MEMO1: variants seen among roughly 807,000 people sequenced by gnomAD.
MEMO1 encodes protein MEMO1.
Under a neutral mutation model 45.2 loss-of-function variants are expected in MEMO1, and 6 were observed. The observed-to-expected ratio is 0.13, with a 90% confidence interval of 0.07 to 0.26. The LOEUF is 0.26. Among genes scored for constraint, MEMO1 ranks in the 10% least tolerant of loss-of-function variants. The pLI is 1.00. For synonymous variants in MEMO1, 78 were observed against 124.3 expected, an observed-to-expected ratio of 0.63 and a Z score of 2.48; for missense variants, 184 against 370.5, an observed-to-expected ratio of 0.50 and a Z score of 4.13.
At chr2:31,889,568 A>C (rs1383325821) in intron 7 of MEMO1, among the ~76,000 whole-genome samples, 1 of 152,112 alleles carries the variant, frequency 6.6e-6, no homozygotes, top group East Asian at 1.9e-4. Context: ...AATTCTTTAG[A>C]TAGCTTAACC....
chr2:31,964,569 C>T (rs571268454), intron 2 of MEMO1, among the ~76,000 whole-genome samples: 7 of 152,032 alleles, frequency 4.6e-5, no homozygotes, highest in Admixed American at 6.6e-5. Context: ...GGTGTGGTGG[C>T]GCATGGCTGT....
At chr2:32,005,294 T>C (rs1179359365) in intron 2 of MEMO1, among the ~76,000 whole-genome samples, 1 of 122,400 alleles carries the variant, frequency 8.2e-6, no homozygotes, top group Non-Finnish European at 1.6e-5. Context: ...CACTCTAGCC[T>C]GGGTGACAGA....
At chr2:31,996,624 ATAGAAAT>A (rs1356402102) in intron 2 of MEMO1, among the ~76,000 whole-genome samples, 3 of 152,252 alleles carry the variant, frequency 2.0e-5, no homozygotes, top group African/African-American at 7.2e-5. Flanking sequence ...TTAAGAATTC[ATAGAAAT>A]AGTGAAAAGA....
At chr2:31,988,545 C>T (rs1347640745) in intron 2 of MEMO1, among the ~76,000 whole-genome samples, 10 of 151,748 alleles carry the variant, frequency 6.6e-5, no homozygotes, top group Non-Finnish European at 1.0e-4. Flanking sequence ...GACTCTGTCT[C>T]GAAAAAAATA....
chr2:31,933,344 A>ATTTATATAT (rs1664462781), intron 3 of MEMO1, among the ~76,000 whole-genome samples: 9 of 35,414 alleles, frequency 2.5e-4, no homozygotes, highest in Non-Finnish European at 3.9e-4. Context: ...AAAAAAAAAA[A>ATTTATATAT]AAAAATTTAT....
At chr2:31,903,334 G>C (rs553738569) in intron 6 of MEMO1, among the ~76,000 whole-genome samples, 16 of 147,440 alleles carry the variant, frequency 1.1e-4, no homozygotes, top group Middle Eastern at 3.5e-3. Context: ...TTACCCCTAA[G>C]GTGCCAAGGT....
intron 2 of MEMO1, among the ~76,000 whole-genome samples, chr2:32,008,365 C>A (rs1436868633): frequency 6.6e-6 from 1 of 152,214 alleles, no homozygotes; most frequent in African/African-American, 2.4e-5. Context: ...GCGGGAGGAT[C>A]ACGAAGTCGG....
intron 4 of MEMO1, among the ~76,000 whole-genome samples, chr2:31,922,343 GAA>G (rs748280495): frequency 1.4e-4 from 17 of 118,650 alleles, no homozygotes; most frequent in Admixed American, 1.8e-4. Context: ...GTTCTGCTAT[GAA>G]AAAAAAAAAA....
chr2:31,958,013 C>A (rs143947454), intron 2 of MEMO1, among the ~76,000 whole-genome samples: 19 of 152,226 alleles, frequency 1.2e-4, no homozygotes, highest in African/African-American at 4.6e-4. Flanking sequence ...CAACCTCTGC[C>A]CTTATAACTG....
intron 2 of MEMO1, among the ~76,000 whole-genome samples, chr2:32,007,776 A>T (rs1674285613): frequency 6.6e-6 from 1 of 152,244 alleles, no homozygotes; most frequent in Non-Finnish European, 1.5e-5. Context: ...AATGTTATCA[A>T]TGTAGGTACA....
chr2:31,875,129 A>C (rs1674377117), intron 8 of MEMO1, among the ~76,000 whole-genome samples: 1 of 152,072 alleles, frequency 6.6e-6, no homozygotes, highest in African/African-American at 2.4e-5. Context: ...CACAGAAATA[A>C]ACTCCAAGTC....
At chr2:31,907,276 A>G in intron 6 of MEMO1, among the ~76,000 whole-genome samples, 1 of 152,120 alleles carries the variant, frequency 6.6e-6, no homozygotes, top group East Asian at 1.9e-4. Context: ...TACATTTTGA[A>G]TTATATTATA....
chr2:31,920,936 CG>C (rs1558504376), intron 4 of MEMO1, 26 bp from the exon 5 acceptor site: 2 of 1,438,534 alleles, frequency 1.4e-6, no homozygotes, highest in Non-Finnish European at 1.9e-6. Flanking sequence ...CAAAAAAACA[CG>C]TAACAATTGC....
chr2:31,924,960 T>C (rs979659625), intron 4 of MEMO1, among the ~76,000 whole-genome samples: 1 of 152,226 alleles, frequency 6.6e-6, no homozygotes, highest in Non-Finnish European at 1.5e-5. Context: ...GCTTAAAGCC[T>C]TTTATGGCAT....
chr2:31,870,365 C>G (rs1036063914), intron 8 of MEMO1, among the ~76,000 whole-genome samples: 1 of 152,080 alleles, frequency 6.6e-6, no homozygotes, highest in African/African-American at 2.4e-5. Flanking sequence ...TTCTCCATAT[C>G]CATTATATTC....
chr2:31,875,116 G>T (rs1022370860), intron 8 of MEMO1, among the ~76,000 whole-genome samples: 1 of 151,594 alleles, frequency 6.6e-6, no homozygotes, highest in African/African-American at 2.4e-5. Flanking sequence ...TCAACAAATG[G>T]ACCACAGAAA....
At chr2:31,882,981 A>C (rs1412331701) in intron 8 of MEMO1, among the ~76,000 whole-genome samples, 1 of 152,144 alleles carries the variant, frequency 6.6e-6, no homozygotes, top group Non-Finnish European at 1.5e-5. Flanking sequence ...GTTCAGAAGG[A>C]GTCAAAAGAA....
intron 6 of MEMO1, among the ~76,000 whole-genome samples, chr2:31,897,409 G>C (rs968133371): frequency 6.6e-6 from 1 of 152,160 alleles, no homozygotes; most frequent in African/African-American, 2.4e-5. Flanking sequence ...CTAGTTTATT[G>C]AGAGATTTTA....
intron 3 of MEMO1, among the ~76,000 whole-genome samples, chr2:31,938,714 TA>T (rs1393151347): frequency 6.6e-6 from 1 of 151,482 alleles, no homozygotes; most frequent in Admixed American, 6.6e-5. Flanking sequence ...TTATAAAACT[TA>T]AAGTAAGTTT....
Sources: gnomAD v4.1 joint callset for allele counts (sites outside exome capture counted in the v4.1 genomes callset) on GRCh38, gnomAD v4.1.1 for gene constraint, MANE v1.5 for transcripts, NCBI Gene and HGNC (gene_info 2026-07-23, HGNC 2026-07-21) for gene names.